The following FRMD4B variants were observed in gnomAD, a reference collection of about 807,000 sequenced individuals.
FRMD4B encodes FERM domain-containing protein 4B.
FRMD4B carries 74 observed loss-of-function variants against 141.5 expected under a neutral mutation model. That is an observed-to-expected ratio of 0.52 (90% CI 0.43 to 0.63). FRMD4B has a LOEUF of 0.63. FRMD4B is among the 30% of genes least tolerant of loss of function. The probability of loss-of-function intolerance (pLI) is 0.00; values close to 1 mark genes in which losing one functional copy is unlikely to be tolerated. For synonymous variants in FRMD4B, 506 were observed against 467.9 expected, an observed-to-expected ratio of 1.08 and a Z score of -1.05; for missense variants, 1,366 against 1,253.4, an observed-to-expected ratio of 1.09 and a Z score of -1.36.
chr3:69,246,878 G>A (rs1315205412), intron 7 of FRMD4B, among the ~76,000 whole-genome samples: 3 of 152,232 alleles, frequency 2.0e-5, no homozygotes, highest in Non-Finnish European at 2.9e-5. Context: ...CAACCTTGAT[G>A]TCCTAGGGCT....
At chr3:69,249,461 G>GA (rs1480499519) in intron 6 of FRMD4B, among the ~76,000 whole-genome samples, 1 of 152,092 alleles carries the variant, frequency 6.6e-6, no homozygotes, top group Non-Finnish European at 1.5e-5. Context: ...CTTAACAAAA[G>GA]AAACATATGT....
chr3:69,526,025 C>G (rs1357182711), intron 1 of FRMD4B, among the ~76,000 whole-genome samples: 1 of 152,122 alleles, frequency 6.6e-6, no homozygotes, highest in East Asian at 1.9e-4. Flanking sequence ...TTGTCCTTAC[C>G]ATTTCAGAGC....
intron 1 of FRMD4B, among the ~76,000 whole-genome samples, chr3:69,330,889 A>T (rs1702347998): frequency 6.6e-6 from 1 of 152,130 alleles, no homozygotes. Flanking sequence ...CCATGACCTT[A>T]AAGCACCGGT....
At chr3:69,516,590 T>C (rs1700760971) in intron 1 of FRMD4B, among the ~76,000 whole-genome samples, 1 of 152,210 alleles carries the variant, frequency 6.6e-6, no homozygotes, top group African/African-American at 2.4e-5. Context: ...CGGTGAAACC[T>C]GGCAAGGACT....
chr3:69,215,627 C>G (rs1296360975), intron 11 of FRMD4B, among the ~76,000 whole-genome samples: 2 of 151,844 alleles, frequency 1.3e-5, no homozygotes, highest in African/African-American at 4.8e-5. Flanking sequence ...ACTGATTTTT[C>G]TCTACAAAAA....
chr3:69,356,139 G>A (rs757208618), intron 1 of FRMD4B, among the ~76,000 whole-genome samples: 5 of 152,200 alleles, frequency 3.3e-5, no homozygotes, highest in Non-Finnish European at 5.9e-5. Context: ...AGATGAATAT[G>A]TGATTCAAGA....
intron 7 of FRMD4B, chr3:69,228,651 A>C: frequency 2.9e-6 from 1 of 346,240 alleles, no homozygotes; most frequent in Admixed American, 3.8e-5. Context: ...CCTGGGCAAC[A>C]CAGTGAGACC....
chr3:69,438,388 G>A (rs531046533), intron 1 of FRMD4B, among the ~76,000 whole-genome samples: 1 of 152,202 alleles, frequency 6.6e-6, no homozygotes, highest in African/African-American at 2.4e-5. Context: ...TTACAGGCAT[G>A]AGCCACTGCG....
chr3:69,322,806 C>T (rs535505550), intron 1 of FRMD4B: 1 of 152,182 alleles, frequency 6.6e-6, no homozygotes, highest in Non-Finnish European at 1.5e-5. Context: ...GCTGTATCGC[C>T]CAGGCTGGTC....
chr3:69,313,048 C>T (rs180756552), intron 2 of FRMD4B, among the ~76,000 whole-genome samples: 1 of 152,310 alleles, frequency 6.6e-6, no homozygotes, highest in East Asian at 1.9e-4. Flanking sequence ...TTCACTTGCA[C>T]AATGCCATGT....
chr3:69,182,516 G>A, intron 20 of FRMD4B, 82 bp downstream of exon 20: 2 of 1,337,046 alleles, frequency 1.5e-6, no homozygotes, highest in Non-Finnish European at 1.0e-6. Context: ...CACTTGAAAT[G>A]ATTAAAAAAC....
intron 1 of FRMD4B, among the ~76,000 whole-genome samples, chr3:69,344,075 G>T (rs1231567604): frequency 2.0e-5 from 3 of 152,172 alleles, no homozygotes; most frequent in Admixed American, 2.0e-4. Flanking sequence ...GACTTTTAAA[G>T]AATTTGGAAT....
chr3:69,279,462 T>C (rs761344263), intron 5 of FRMD4B, among the ~76,000 whole-genome samples: 3 of 152,216 alleles, frequency 2.0e-5, no homozygotes, highest in Non-Finnish European at 4.4e-5. Flanking sequence ...TGTTGAGTTC[T>C]TTATTGTTTC....
In FRMD4B at chr3:69,193,680, T is replaced by A. The variant is rs1044161006; in HGVS notation, c.1682A>T (p.Lys561Met). ...CACTGTTGCTTTCTGGCTGGGTTTC[T>A]TTCCACACCTAATTCGGTATTCGTT... ...AINEYRIRCGKKPSQKATVLP... is the reference protein window; with the variant it reads ...AINEYRIRCGMKPSQKATVLP... The change falls in exon 17 of 23, where the codon AAG (lysine) becomes ATG (methionine). Residue 561 changes from lysine to methionine, a missense_variant. By Grantham distance (95) the Lys-to-Met change is moderately conservative (BLOSUM62 -1). Coordinates refer to ENST00000398540, the MANE Select transcript of FRMD4B (RefSeq NM_015123.3). 1 of 1,613,386 alleles carries A rather than the reference T, an allele frequency of 6.2e-7. No homozygotes were observed. The highest frequency in any genetic ancestry group is 1.7e-5 in the Admixed American group (1 of 60,002).
intron 4 of FRMD4B, among the ~76,000 whole-genome samples, chr3:69,289,449 G>T (rs985196035): frequency 6.6e-6 from 1 of 152,078 alleles, no homozygotes; most frequent in African/African-American, 2.4e-5. Flanking sequence ...GCTGCACTGG[G>T]CACATTAGTG....
At chr3:69,256,205 G>A (rs1286200465) in intron 5 of FRMD4B, among the ~76,000 whole-genome samples, 1 of 152,216 alleles carries the variant, frequency 6.6e-6, no homozygotes, top group Admixed American at 6.5e-5. Context: ...GATGTGATAA[G>A]GACAGAAATG....
At chr3:69,329,975 T>C (rs188634970) in intron 1 of FRMD4B, among the ~76,000 whole-genome samples, 2 of 152,242 alleles carry the variant, frequency 1.3e-5, no homozygotes, top group Non-Finnish European at 2.9e-5. Flanking sequence ...CCACAGTGCA[T>C]AGCTCACTGA....
chr3:69,481,046 T>G (rs1706113965), intron 1 of FRMD4B, among the ~76,000 whole-genome samples: 1 of 152,134 alleles, frequency 6.6e-6, no homozygotes, highest in African/African-American at 2.4e-5. Flanking sequence ...GGTGCGCCGT[T>G]TTTTAAGCCC....
intron 1 of FRMD4B, among the ~76,000 whole-genome samples, chr3:69,520,001 T>TAC (rs1553649904): frequency 7.2e-5 from 5 of 69,304 alleles, no homozygotes; most frequent in African/African-American, 6.0e-4. Context: ...GTATTCCATA[T>TAC]ATATATATAT....
Sources: allele counts gnomAD v4.1 joint callset (sites outside exome capture counted in the v4.1 genomes callset), GRCh38; gene constraint gnomAD v4.1.1; transcripts MANE v1.5; gene names NCBI Gene and HGNC (gene_info 2026-07-23, HGNC 2026-07-21).